CEP120: variants seen among roughly 807,000 people sequenced by gnomAD.
The protein encoded by CEP120 is centrosomal protein 120, also known as centrosomal protein of 120 kDa.
Under a neutral mutation model 126.5 loss-of-function variants are expected in CEP120, and 113 were observed. The observed-to-expected ratio is 0.89, with a 90% CI of 0.77 to 1.04. The LOEUF is 1.04. CEP120 is among the 50% of genes least tolerant of loss of function. The pLI is 0.00. For synonymous variants in CEP120, 400 were observed against 394.3 expected (o/e 1.01, Z -0.17); for missense variants, 1,230 against 1,155.7 (o/e 1.06, Z -0.93).
chr5:123,364,387 A>T, intron 18 of CEP120, 109 bp downstream of exon 18: 1 of 476,108 alleles, frequency 2.1e-6, no homozygotes, highest in Non-Finnish European at 3.6e-6. Flanking sequence ...CTCAAAAAAT[A>T]GCAATATTCA....
At chr5:123,359,604 A>C (rs1265273767) in intron 18 of CEP120, among the ~76,000 whole-genome samples, 1 of 151,986 alleles carries the variant, frequency 6.6e-6, no homozygotes, top group Admixed American at 6.6e-5. Flanking sequence ...TAACAAGTAG[A>C]ACTTTTAACT....
At chr5:123,378,458 AGT>A in intron 14 of CEP120, 30 bp from the exon 15 acceptor site, 2 of 1,015,520 alleles carry the variant, frequency 2.0e-6, no homozygotes, top group African/African-American at 1.7e-5. Flanking sequence ...AAAAAAAAAA[AGT>A]TACCTACCTT....
At chr5:123,419,565 A>AAC (rs1774590545) in intron 1 of CEP120, among the ~76,000 whole-genome samples, 1 of 151,768 alleles carries the variant, frequency 6.6e-6, no homozygotes, top group African/African-American at 2.4e-5. Flanking sequence ...AAAAAAAAAA[A>AAC]ACAGAATACT....
At chr5:123,352,245 T>A (rs765927016) in intron 18 of CEP120, among the ~76,000 whole-genome samples, 1 of 152,066 alleles carries the variant, frequency 6.6e-6, no homozygotes, top group African/African-American at 2.4e-5. Context: ...GTCTTTTTAC[T>A]CCATTAATGT....
rs1390888315 is a variant in CEP120 at position 123,382,973 on chromosome 5, C to T, written c.1860+13G>A. ...CTTTTAAAAAAAATTTGATAACATT[C>T]AATTATATTTACCTGAGATGAATCA... On this transcript the variant is annotated intron_variant, in intron 12 of 19. Transcript: ENST00000306467. The T allele has an allele frequency of 6.3e-7, 1 of 1,595,634 alleles. No homozygotes were observed. The highest frequency in any genetic ancestry group is 1.3e-5 in the African/African-American group (1 of 74,140).
In CEP120 at chr5:123,405,819, G is replaced by GA. The variant is rs55739138; in HGVS notation, c.464-6536dup. On this transcript the variant is annotated intron_variant, in intron 4 of 19. Coordinates refer to ENST00000306467, the MANE Select transcript of CEP120 (RefSeq NM_001375405.1). ...AAAAAATTGCAAGGCATACTAAAAG[G>GA]AAAAAAAAAATACAGTTTGAAGAGA... is the stretch of plus-strand genomic sequence containing the variant. Among the ~76,000 whole-genome samples the GA allele has an allele frequency of 3.1e-3, 454 of 147,028 alleles. 3 individuals carry two copies. The highest frequency in any genetic ancestry group is 0.01 in the African/African-American group (413 of 40,148).
chr5:123,389,936 G>T lies in CEP120; in HGVS notation c.1243C>A (p.Pro415Thr). 1 of 1,613,658 alleles carries T rather than the reference G, an allele frequency of 6.2e-7. No individual in the cohort carries two copies. Among genetic ancestry groups the T allele is most frequent in the Non-Finnish European group, 8.5e-7 (1 of 1,179,636 alleles). ...CAAAAAACCTTACCTTTTGGATTTG[G>T]TTTGGTGTCCTTATCATACTGTAAA... ...ESLQYDKDTK[P>T]NPKASSSVPA... is the part of the protein sequence containing the mutation. The change falls in exon 8 of 20, where the codon CCA becomes ACA. Residue 415 changes from proline (P) to threonine (T), a missense_variant. Pro to Thr is a conservative substitution (Grantham distance 38). Transcript: ENST00000306467.
At chr5:123,386,018 T>C (rs1771996420) in intron 10 of CEP120, among the ~76,000 whole-genome samples, 1 of 152,120 alleles carries the variant, frequency 6.6e-6, no homozygotes, top group Admixed American at 6.6e-5. Flanking sequence ...AATGTATAAA[T>C]TTGAATTGTG....
At chr5:123,422,035 C>T (rs778575936) in intron 1 of CEP120, among the ~76,000 whole-genome samples, 3 of 152,184 alleles carry the variant, frequency 2.0e-5, no homozygotes, top group Non-Finnish European at 4.4e-5. Flanking sequence ...GTAAAGTGTC[C>T]TCAATTCACC....
At chr5:123,415,884 G>T in intron 3 of CEP120, 126 bp downstream of exon 3, 1 of 556,740 alleles carries the variant, frequency 1.8e-6, no homozygotes, top group East Asian at 3.1e-5. Context: ...AAAAAGAACT[G>T]CCATATTGGC....
chr5:123,373,513 G>A (rs993660840), intron 16 of CEP120, among the ~76,000 whole-genome samples: 8 of 152,036 alleles, frequency 5.3e-5, no homozygotes, highest in African/African-American at 1.9e-4. Flanking sequence ...AAGAAGAGCT[G>A]GCAAGAGTGT....
chr5:123,403,478 G>C (rs923060664), intron 4 of CEP120: 20 of 339,698 alleles, frequency 5.9e-5, no homozygotes, highest in African/African-American at 3.9e-4. Flanking sequence ...TAAATAAAAA[G>C]AGAAAACTGT....
In CEP120 at chr5:123,423,208, C is replaced by T. The variant is rs968426740; in HGVS notation, c.-210G>A. On this transcript the variant is annotated 5_prime_UTR_variant, in exon 1 of 20. Transcript: ENST00000306467. ...GCCGCCAGCCCAGATCCTAACTGTGCCCCGACTCAAGGAAAAAGCCACGCT... is the reference window on the plus strand; with the variant it reads ...GCCGCCAGCCCAGATCCTAACTGTGTCCCGACTCAAGGAAAAAGCCACGCT... 15 of 573,816 alleles carry T rather than the reference C, an allele frequency of 2.6e-5. No individual in the cohort carries two copies. The highest frequency in any genetic ancestry group is 4.7e-5 in the Non-Finnish European group (15 of 320,996). 35.5% of individuals were successfully genotyped at this position (573,816 alleles called of 1,614,324 possible).
intron 3 of CEP120, among the ~76,000 whole-genome samples, chr5:123,414,705 G>A (rs571195215): frequency 3.3e-5 from 5 of 152,010 alleles, no homozygotes; most frequent in South Asian, 2.1e-4. Flanking sequence ...GGTGGCTCAC[G>A]CCTGTAATCC....
chr5:123,368,099 AC>A (rs1413620287), intron 17 of CEP120, among the ~76,000 whole-genome samples: 4 of 151,962 alleles, frequency 2.6e-5, no homozygotes, highest in Admixed American at 2.0e-4. Context: ...AACTCACAGT[AC>A]TGCTTATACT....
chr5:123,393,837 T>C (rs1772572951), intron 5 of CEP120, among the ~76,000 whole-genome samples: 2 of 152,246 alleles, frequency 1.3e-5, no homozygotes, highest in Admixed American at 6.5e-5. Flanking sequence ...TCACATATTT[T>C]ATTTCATCTC....
At chr5:123,403,771 T>C in intron 4 of CEP120, 1 of 392,992 alleles carries the variant, frequency 2.5e-6, no homozygotes, top group Non-Finnish European at 4.9e-6. Context: ...AAATCTAAAA[T>C]CAGACAAACT....
chr5:123,376,520 G>C (rs1771239010), intron 16 of CEP120, among the ~76,000 whole-genome samples: 1 of 152,056 alleles, frequency 6.6e-6, no homozygotes, highest in Admixed American at 6.6e-5. Flanking sequence ...AATGCTGAAA[G>C]GTTTTAAAGA....
At chr5:123,349,748 C>G (rs973217293) in intron 19 of CEP120, among the ~76,000 whole-genome samples, 196 bp downstream of exon 19, 1 of 152,220 alleles carries the variant, frequency 6.6e-6, no homozygotes, top group African/African-American at 2.4e-5. Context: ...TCAAACGATC[C>G]TCCCACCATC....
Sources: allele counts gnomAD v4.1 joint callset (sites outside exome capture counted in the v4.1 genomes callset), GRCh38; gene constraint gnomAD v4.1.1; transcripts MANE v1.5; gene names NCBI Gene and HGNC (gene_info 2026-07-23, HGNC 2026-07-21).